The following GPBP1L1 variants were observed in gnomAD, a reference collection of about 807,000 sequenced individuals.
GPBP1L1 encodes vasculin-like protein 1.
In GPBP1L1, 23 loss-of-function variants were observed where a neutral mutation model predicts 52.5. The ratio of observed to expected loss-of-function variants is 0.44; its 90% CI spans 0.32 to 0.62. GPBP1L1 has a LOEUF of 0.62. GPBP1L1 is among the 20% of genes least tolerant of loss of function. The pLI is 0.06. For synonymous variants in GPBP1L1, 243 were observed against 203.1 expected, an observed-to-expected ratio of 1.20 and a Z score of -1.67; for missense variants, 596 against 579.3, an observed-to-expected ratio of 1.03 and a Z score of -0.30.
At chr1:45,677,489 G>A (rs963162852) in intron 2 of GPBP1L1, among the ~76,000 whole-genome samples, 4 of 152,094 alleles carry the variant, frequency 2.6e-5, no homozygotes, top group Admixed American at 6.5e-5. Context: ...GCTACAGTGT[G>A]AGACCCTGTT....
At chr1:45,647,518 C>G (rs1268155529) in intron 6 of GPBP1L1, among the ~76,000 whole-genome samples, 1 of 152,196 alleles carries the variant, frequency 6.6e-6, no homozygotes, top group African/African-American at 2.4e-5. Flanking sequence ...TGTGCCTGGA[C>G]ACTTTAAAAC....
intron 11 of GPBP1L1, 115 bp downstream of exon 11, chr1:45,630,367 G>T: frequency 1.6e-6 from 2 of 1,231,286 alleles, no homozygotes; most frequent in Non-Finnish European, 2.3e-6. Flanking sequence ...AACAAGTTAT[G>T]ACTGGGCCAC....
intron 2 of GPBP1L1, among the ~76,000 whole-genome samples, chr1:45,679,498 G>A (rs1289232819): frequency 6.6e-6 from 1 of 152,126 alleles, no homozygotes; most frequent in Non-Finnish European, 1.5e-5. Flanking sequence ...TAGCTGCCAG[G>A]GGTCCAGCAC....
Position 45,654,690 on chromosome 1 carries a change from A to G in GPBP1L1, c.330T>C (p.Ser110=), listed in dbSNP as rs537981899. 5.6e-6 allele frequency: 9 copies of G among 1,614,178 alleles called. No homozygotes were observed. In the South Asian group the frequency reaches 9.9e-5, roughly 18 times the overall value. Reference sequence around the variant, plus strand: ...GGCGATGGTTCCCTGTGCCACCTCCACTACGTTGGCTCATGCCATCATGAC... The same window carrying G: ...GGCGATGGTTCCCTGTGCCACCTCCGCTACGTTGGCTCATGCCATCATGAC... The part of the protein sequence containing the change: ...SRGHDGMSQR[S]GGGTGNHRHW... Residue 110 remains serine, a synonymous_variant, in exon 6 of 13, where the codon AGT becomes AGC. Transcript: ENST00000355105.
In GPBP1L1 at chr1:45,633,593, A is replaced by G. The variant is rs759194730; in HGVS notation, c.940T>C (p.Leu314=). 2 of 1,613,660 alleles carry G rather than the reference A, an allele frequency of 1.2e-6. No individual in the cohort carries two copies. The highest frequency in any genetic ancestry group is 2.2e-5 in the East Asian group (1 of 44,846). ...TTCCTGTCGGTGGTTCGGCGGGTCAACTTGGTCAGACGAGAGGAGCTGATC... is the reference window on the plus strand; with the variant it reads ...TTCCTGTCGGTGGTTCGGCGGGTCAGCTTGGTCAGACGAGAGGAGCTGATC... The part of the protein sequence containing the change: ...IEISSSRLTK[L]TRRTTDRKSE... The change falls in exon 10 of 13, where the codon TTG becomes CTG. Residue 314 remains leucine, a synonymous_variant. Transcript: ENST00000355105.
chr1:45,685,226 A>T (rs186978160), intron 2 of GPBP1L1, among the ~76,000 whole-genome samples: 7 of 152,340 alleles, frequency 4.6e-5, no homozygotes, highest in East Asian at 1.9e-4. Flanking sequence ...AATATTGGAT[A>T]AAAAAGACCT....
In GPBP1L1 at chr1:45,681,117, C is replaced by T. The variant is rs150447441; in HGVS notation, c.-1098+4459G>A. Among the ~76,000 whole-genome samples, 57 of 151,298 alleles carry T rather than the reference C, an allele frequency of 3.8e-4. No individual in the cohort carries two copies. In the Middle Eastern group the frequency reaches 0.017, roughly 46 times the overall value. ...GAATTGGGCACCAAAGCAAACCAAACACTCCACTTTACTTAGCATCTCAAA... is the reference window on the plus strand; with the variant it reads ...GAATTGGGCACCAAAGCAAACCAAATACTCCACTTTACTTAGCATCTCAAA... On this transcript the variant is annotated intron_variant, in intron 2 of 12. Transcript: ENST00000355105.
chr1:45,686,927 T>G (rs1645297271), upstream of GPBP1L1: 1 of 152,414 alleles, frequency 6.6e-6, no homozygotes, highest in Non-Finnish European at 1.5e-5. Context: ...GGTATGCATG[T>G]GTGTATCCCT....
At chr1:45,675,893 A>G (rs1645133785) in intron 2 of GPBP1L1, among the ~76,000 whole-genome samples, 1 of 152,228 alleles carries the variant, frequency 6.6e-6, no homozygotes, top group South Asian at 2.1e-4. Flanking sequence ...CTTAAACTGC[A>G]GATCCTAAGA....
In GPBP1L1 at chr1:45,663,803, G is replaced by A. The variant is rs567261112; in HGVS notation, c.-1097-2578C>T. ...TCTATTAGTCAAAAGTTTTTGTAAC[G>A]AACTTACTTGCTCTGAAAATTTTAA... On this transcript the variant is annotated intron_variant, in intron 2 of 12. Coordinates refer to ENST00000355105, the MANE Select transcript of GPBP1L1 (RefSeq NM_021639.5). Among the ~76,000 whole-genome samples, 115 of 152,226 alleles carry A rather than the reference G, an allele frequency of 7.6e-4. 1 individual carries two copies. The highest frequency in any genetic ancestry group is 1.0e-3 in the Non-Finnish European group (69 of 68,004).
At chr1:45,665,368 T>C (rs1644997088) in intron 2 of GPBP1L1, among the ~76,000 whole-genome samples, 1 of 152,158 alleles carries the variant, frequency 6.6e-6, no homozygotes, top group Admixed American at 6.5e-5. Flanking sequence ...AGGGGAGGTG[T>C]GTTCTACTGG....
At chr1:45,645,692 TC>T (rs1644734497) in intron 6 of GPBP1L1, 1 of 325,222 alleles carries the variant, frequency 3.1e-6, no homozygotes, top group Non-Finnish European at 5.8e-6. Context: ...TTGTAATCTT[TC>T]TGGTTAGTTT....
At chr1:45,653,534 T>C (rs1399272482) in intron 6 of GPBP1L1, among the ~76,000 whole-genome samples, 1 of 151,896 alleles carries the variant, frequency 6.6e-6, no homozygotes, top group Non-Finnish European at 1.5e-5. Context: ...TTTTCAAAAA[T>C]TTTTTATAGA....
At chr1:45,641,636 G>C (rs1644675295) in intron 7 of GPBP1L1, 1 of 152,020 alleles carries the variant, frequency 6.6e-6, no homozygotes, top group Admixed American at 6.6e-5. Context: ...GGCCAACATG[G>C]TGAAACCCCA....
chr1:45,674,305 A>G (rs2148509100), intron 2 of GPBP1L1, among the ~76,000 whole-genome samples: 1 of 152,360 alleles, frequency 6.6e-6, no homozygotes, highest in Admixed American at 6.5e-5. Flanking sequence ...AAAAATTTTA[A>G]TATCACAATT....
chr1:45,631,728 C>T (rs560931456), intron 10 of GPBP1L1, among the ~76,000 whole-genome samples: 1 of 152,258 alleles, frequency 6.6e-6, no homozygotes, highest in Non-Finnish European at 1.5e-5. Flanking sequence ...TAACACCAGC[C>T]TGAGCAACAT....
chr1:45,652,740 T>G (rs984612790), intron 6 of GPBP1L1, among the ~76,000 whole-genome samples: 24 of 151,798 alleles, frequency 1.6e-4, no homozygotes, highest in African/African-American at 5.8e-4. Flanking sequence ...TTTTAAGAGA[T>G]AGAGTCTTGC....
chr1:45,641,435 C>CAT (rs902156857), intron 7 of GPBP1L1, among the ~76,000 whole-genome samples: 12 of 151,190 alleles, frequency 7.9e-5, no homozygotes, highest in Admixed American at 5.3e-4. Context: ...AAACCACAAA[C>CAT]ATATATATAC....
Position 45,634,243 on chromosome 1 carries a change from A to G in GPBP1L1, c.745-7T>C, listed in dbSNP as rs746766292. On this transcript the variant is annotated splice_region_variant and splice_polypyrimidine_tract_variant and intron_variant, in intron 8 of 12. Coordinates refer to ENST00000355105, the MANE Select transcript of GPBP1L1 (RefSeq NM_021639.5). ...TAGCTTTCCATGCATTAGGCTACACAGGGTGAAAGAACAAATCAGTCAGAA... is the reference window on the plus strand; with the variant it reads ...TAGCTTTCCATGCATTAGGCTACACGGGGTGAAAGAACAAATCAGTCAGAA... 7 of 1,601,308 alleles carry G rather than the reference A, an allele frequency of 4.4e-6. No individual in the cohort carries two copies. In the Admixed American group the frequency reaches 1.2e-4, roughly 28 times the overall value.
Sources: gnomAD v4.1 joint callset for allele counts (sites outside exome capture counted in the v4.1 genomes callset) on GRCh38, gnomAD v4.1.1 for gene constraint, MANE v1.5 for transcripts, NCBI Gene and HGNC (gene_info 2026-07-23, HGNC 2026-07-21) for gene names.